The following CHIC1 variants were observed in gnomAD, a reference collection of about 807,000 sequenced individuals.
The protein encoded by CHIC1 is cysteine rich hydrophobic domain 1, also known as cysteine-rich hydrophobic domain-containing protein 1.
CHIC1 carries 7 observed loss-of-function variants against 18.5 expected under a neutral mutation model. That is an observed-to-expected ratio of 0.38 (90% CI 0.22 to 0.71). The LOEUF is 0.71. Ranked by LOEUF, CHIC1 falls within the 30% of genes least tolerant of loss-of-function variation. The pLI, the probability that CHIC1 is intolerant of heterozygous loss-of-function variation, is 0.49. For synonymous variants in CHIC1, 77 were observed against 73.5 expected (o/e 1.05, Z -0.25); for missense variants, 159 against 176.9 (o/e 0.90, Z 0.57).
chrX:73,579,657 T>C (rs1217586558), intron 2 of CHIC1, among the ~76,000 whole-genome samples: 1 of 110,396 alleles, frequency 9.1e-6, no homozygotes, highest in Non-Finnish European at 1.9e-5. Context: ...TGTGGCCATT[T>C]AACATTTTAG....
At chrX:73,642,933 A>T (rs1470796680) in intron 3 of CHIC1, among the ~76,000 whole-genome samples, 1 of 110,271 alleles carries the variant, frequency 9.1e-6, no homozygotes, top group African/African-American at 3.3e-5. Flanking sequence ...GCCTTGTAGT[A>T]TAGTTTGAAG....
intron 5 of CHIC1, among the ~76,000 whole-genome samples, 164 bp from the exon 6 acceptor site, chrX:73,680,791 T>C (rs2058095202): frequency 9.0e-6 from 1 of 111,480 alleles, no homozygotes; most frequent in Admixed American, 9.5e-5. Flanking sequence ...TAACAACTTG[T>C]GGTTTAAGTT....
intron 2 of CHIC1, among the ~76,000 whole-genome samples, chrX:73,582,218 A>C (rs982962124): frequency 9.0e-6 from 1 of 110,897 alleles, no homozygotes; most frequent in African/African-American, 3.3e-5. Flanking sequence ...TATGATTTGC[A>C]TGAGTTTATA....
chrX:73,636,267 C>G (rs2057830805), intron 3 of CHIC1, among the ~76,000 whole-genome samples: 1 of 111,200 alleles, frequency 9.0e-6, no homozygotes, highest in Non-Finnish European at 1.9e-5. Context: ...TTATAGATAG[C>G]ATTTCTTTAT....
intron 3 of CHIC1, among the ~76,000 whole-genome samples, chrX:73,602,295 T>C (rs2057655036): frequency 9.1e-6 from 1 of 109,538 alleles, no homozygotes; most frequent in Non-Finnish European, 1.9e-5. Flanking sequence ...TTTTCATGTT[T>C]GTTGGCTGCA....
chrX:73,602,651 C>A (rs999103000), intron 3 of CHIC1, among the ~76,000 whole-genome samples: 2 of 108,616 alleles, frequency 1.8e-5, no homozygotes, highest in South Asian at 7.5e-4. Flanking sequence ...GGTTTTAGGT[C>A]TTCCGTTTAA....
intron 1 of CHIC1, among the ~76,000 whole-genome samples, chrX:73,568,664 TAAAA>T (rs2147536369): frequency 9.0e-6 from 1 of 111,511 alleles, no homozygotes; most frequent in East Asian, 2.8e-4. Context: ...TTGTATTACT[TAAAA>T]TAGATAGATG....
chrX:73,582,734 T>C, intron 2 of CHIC1, among the ~76,000 whole-genome samples: 2 of 110,538 alleles, frequency 1.8e-5, no homozygotes, highest in Admixed American at 1.9e-4. Flanking sequence ...CAAGGATTAA[T>C]TTACATTTTC....
rs185960840 is a variant in CHIC1 at position 73,672,646 on chromosome X, A to T, written c.508-6680A>T. On this transcript the variant is annotated intron_variant, in intron 3 of 5. Coordinates refer to ENST00000373502, the MANE Select transcript of CHIC1 (RefSeq NM_001039840.4). ...TTTCTTGTAAATTTGTTTGAGTTCA[A>T]TGTAGATTCTGGATATTAGCCCTTT... Among the ~76,000 whole-genome samples the T allele has an allele frequency of 8.7e-4, 97 of 111,723 alleles. No homozygotes were observed. In the East Asian group the frequency reaches 0.018, roughly 21 times the overall value.
chrX:73,588,744 C>T (rs1314433845), intron 3 of CHIC1, among the ~76,000 whole-genome samples: 2 of 110,397 alleles, frequency 1.8e-5, no homozygotes, highest in African/African-American at 6.5e-5. Flanking sequence ...ATTACACATT[C>T]AATATTTACT....
At position 73,682,657 on chromosome X, in the gene CHIC1, C is replaced by T. The variant is rs751324739; in HGVS notation, c.*1652C>T. ...TTTTATATGTGATTATAATTGTTTG[C>T]ACAAACACTTTTCCACCTTCCTCTG... On this transcript the variant is annotated 3_prime_UTR_variant, in exon 6 of 6. Coordinates refer to ENST00000373502, the MANE Select transcript of CHIC1 (RefSeq NM_001039840.4). The T allele has an allele frequency of 3.6e-5, 4 of 111,935 alleles. No homozygotes were observed. The highest frequency in any genetic ancestry group is 5.7e-5 in the Non-Finnish European group (3 of 52,849). The allele number at this position is 111,935 out of a possible 1,213,427, so 9.2% of individuals were successfully genotyped here.
At chrX:73,673,299 C>T (rs1427546947) in intron 3 of CHIC1, among the ~76,000 whole-genome samples, 20 of 111,743 alleles carry the variant, frequency 1.8e-4, no homozygotes, top group African/African-American at 6.2e-4. Flanking sequence ...TCCTTGGTAA[C>T]TTGATGGGGA....
At chrX:73,661,176 C>T (rs765714686) in intron 3 of CHIC1, among the ~76,000 whole-genome samples, 8 of 111,743 alleles carry the variant, frequency 7.2e-5, no homozygotes, top group South Asian at 3.7e-4. Context: ...TTTTGTGGGC[C>T]GCCCCATAAA....
At chrX:73,580,080 C>G (rs963282144) in intron 2 of CHIC1, among the ~76,000 whole-genome samples, 1 of 110,305 alleles carries the variant, frequency 9.1e-6, no homozygotes, top group South Asian at 3.8e-4. Flanking sequence ...CCCAGGCATA[C>G]AAATTATCCA....
chrX:73,623,132 TGTG>T (rs1306529228), intron 3 of CHIC1, among the ~76,000 whole-genome samples: 4 of 111,693 alleles, frequency 3.6e-5, no homozygotes, highest in Non-Finnish European at 7.5e-5. Context: ...ATAAGTGTGA[TGTG>T]GTGCTGAGAA....
intron 3 of CHIC1, among the ~76,000 whole-genome samples, chrX:73,620,706 A>T (rs1260900682): frequency 8.9e-6 from 1 of 111,797 alleles, no homozygotes; most frequent in Non-Finnish European, 1.9e-5. Context: ...TAGTTTAATT[A>T]TACCCCATTT....
chrX:73,589,475 A>G (rs964151652), intron 3 of CHIC1, among the ~76,000 whole-genome samples: 1 of 110,940 alleles, frequency 9.0e-6, no homozygotes, highest in Non-Finnish European at 1.9e-5. Flanking sequence ...AGTTTGAATT[A>G]ATATCACCTT....
chrX:73,636,896 T>C (rs896694209), intron 3 of CHIC1, among the ~76,000 whole-genome samples: 1 of 111,361 alleles, frequency 9.0e-6, no homozygotes, highest in African/African-American at 3.3e-5. Context: ...ATTTTATGTG[T>C]TTATCATTTG....
At chrX:73,651,129 A>G (rs1211468631) in intron 3 of CHIC1, among the ~76,000 whole-genome samples, 1 of 111,931 alleles carries the variant, frequency 8.9e-6, no homozygotes, top group Non-Finnish European at 1.9e-5. Flanking sequence ...CCTTTAATAA[A>G]ATTTCACATT....
Sources: allele counts gnomAD v4.1 joint callset (sites outside exome capture counted in the v4.1 genomes callset), GRCh38; gene constraint gnomAD v4.1.1; transcripts MANE v1.5; gene names NCBI Gene and HGNC (gene_info 2026-07-23, HGNC 2026-07-21).